The following CTNNA3 variants were observed in gnomAD, a reference collection of about 807,000 sequenced individuals.
CTNNA3 encodes the protein catenin alpha-3.
CTNNA3 carries 76 observed loss-of-function variants against 95.7 expected under a neutral mutation model. The observed-to-expected ratio is 0.79, with a 90% CI of 0.66 to 0.96. The LOEUF is 0.96. Ranked by LOEUF, CTNNA3 falls within the 40% of genes least tolerant of loss-of-function variation. The pLI, the probability that CTNNA3 is intolerant of heterozygous loss-of-function variation, is 0.00. For synonymous variants in CTNNA3, 431 were observed against 374.4 expected (o/e 1.15, Z -1.74); for missense variants, 1,191 against 1,089.8 (o/e 1.09, Z -1.31).
Position 66,313,606 on chromosome 10 carries a change from G to A in CTNNA3, c.1733-32985C>T, listed in dbSNP as rs561614349. On this transcript the variant is annotated intron_variant, in intron 12 of 17. Transcript: ENST00000433211. ...ACTCTGAGAGGCCTTCTCTGACCAC[G>A]TAGCTATAGTTCCTACTACTGTTTG... Among the ~76,000 whole-genome samples the A allele has an allele frequency of 6.6e-5, 10 of 152,208 alleles. No homozygotes were observed. In the South Asian group the frequency reaches 1.9e-3, roughly 28 times the overall value.
At chr10:67,272,311 G>A (rs925713216) in intron 5 of CTNNA3, among the ~76,000 whole-genome samples, 1 of 152,064 alleles carries the variant, frequency 6.6e-6, no homozygotes, top group Non-Finnish European at 1.5e-5. Context: ...TAGCACTTTG[G>A]GAGGCTGAGG....
intron 7 of CTNNA3, among the ~76,000 whole-genome samples, chr10:66,870,711 T>A (rs1185836387): frequency 3.3e-5 from 5 of 152,216 alleles, no homozygotes; most frequent in African/African-American, 1.2e-4. Flanking sequence ...CACACACTGA[T>A]GCCTAACTCC....
At chr10:66,327,718 A>G (rs2092272810) in intron 12 of CTNNA3, among the ~76,000 whole-genome samples, 2 of 151,984 alleles carry the variant, frequency 1.3e-5, no homozygotes, top group South Asian at 4.1e-4. Flanking sequence ...CATTGTGTAT[A>G]TTGATATTTA....
At chr10:66,425,912 C>G (rs1468833281) in intron 11 of CTNNA3, among the ~76,000 whole-genome samples, 1 of 151,972 alleles carries the variant, frequency 6.6e-6, no homozygotes, top group African/African-American at 2.4e-5. Context: ...TGCTCTTTTT[C>G]CAAGGATGAC....
Position 67,614,250 on chromosome 10 carries a change from A to G in CTNNA3, c.100-7201T>C, listed in dbSNP as rs116449843. On this transcript the variant is annotated intron_variant, in intron 2 of 17. Coordinates refer to ENST00000433211, the MANE Select transcript of CTNNA3 (RefSeq NM_013266.4). ...GTGCATTTTACAATCCCTTCGTAAG[A>G]CAAAAAAGTTCTCCAAGTCCCCTAC... 4.1e-3 allele frequency among the ~76,000 whole-genome samples: 632 copies of G among 152,308 alleles called. 7 individuals carry two copies. Among genetic ancestry groups the G allele is most frequent in the African/African-American group, 0.015 (607 of 41,560 alleles).
intron 5 of CTNNA3, among the ~76,000 whole-genome samples, chr10:67,296,227 T>G (rs558856587): frequency 6.6e-6 from 1 of 152,332 alleles, no homozygotes; most frequent in South Asian, 2.1e-4. Context: ...AGATGCTCAT[T>G]TAAGGCAAAC....
At chr10:66,578,431 T>C (rs1297357753) in intron 10 of CTNNA3, among the ~76,000 whole-genome samples, 1 of 151,986 alleles carries the variant, frequency 6.6e-6, no homozygotes, top group Non-Finnish European at 1.5e-5. Context: ...TTCACCTAAT[T>C]GCTATGATGT....
At chr10:66,431,788 C>G (rs1247213178) in intron 11 of CTNNA3, among the ~76,000 whole-genome samples, 5 of 150,778 alleles carry the variant, frequency 3.3e-5, no homozygotes, top group Non-Finnish European at 7.4e-5. Flanking sequence ...AGGAGATACA[C>G]CTAATGTTAA....
intron 12 of CTNNA3, among the ~76,000 whole-genome samples, chr10:66,322,564 T>G (rs1054324780): frequency 2.6e-5 from 4 of 152,042 alleles, no homozygotes; most frequent in Non-Finnish European, 2.9e-5. Flanking sequence ...TATACAGATT[T>G]CCTGGAATCT....
rs940076302 is a variant in CTNNA3 at position 66,646,708 on chromosome 10, C to G, written c.1282-24924G>C. Among the ~76,000 whole-genome samples the G allele has an allele frequency of 2.4e-4, 36 of 152,170 alleles. 1 individual carries two copies. ...ACAGAGCAGCAACCTGAGCTTCCAT[C>G]ATTCACTCACTGGGATTCCCATCAA... On this transcript the variant is annotated intron_variant, in intron 9 of 17. Transcript: ENST00000433211.
chr10:67,225,250 G>T (rs140946568), intron 5 of CTNNA3, among the ~76,000 whole-genome samples: 3 of 152,100 alleles, frequency 2.0e-5, no homozygotes, highest in Non-Finnish European at 4.4e-5. Flanking sequence ...GCTCAGACAC[G>T]CCTAGCTCTG....
intron 5 of CTNNA3, among the ~76,000 whole-genome samples, chr10:67,302,784 G>A (rs1840378245): frequency 6.6e-6 from 1 of 152,150 alleles, no homozygotes; most frequent in African/African-American, 2.4e-5. Flanking sequence ...TTTTGGTTCT[G>A]TTGACTAGGA....
chr10:66,644,184 G>A (rs1845611492), intron 9 of CTNNA3, among the ~76,000 whole-genome samples: 2 of 151,772 alleles, frequency 1.3e-5, no homozygotes, highest in African/African-American at 4.8e-5. Context: ...GGTTGAGCTT[G>A]GGAGGTTGAG....
intron 7 of CTNNA3, among the ~76,000 whole-genome samples, chr10:67,134,236 G>GAAT (rs1159043301): frequency 1.3e-5 from 2 of 152,036 alleles, no homozygotes; most frequent in East Asian, 3.9e-4. Flanking sequence ...GGGTGATTCA[G>GAAT]GTAGACACAG....
intron 5 of CTNNA3, among the ~76,000 whole-genome samples, chr10:67,281,250 C>T (rs118025119): frequency 0.014 from 2,110 of 152,252 alleles, 15 homozygotes; most frequent in Non-Finnish European, 0.023. Context: ...TTAGCATTTT[C>T]AAAGTTATTT....
At chr10:67,362,673 C>T (rs969117628) in intron 5 of CTNNA3, among the ~76,000 whole-genome samples, 1 of 151,952 alleles carries the variant, frequency 6.6e-6, no homozygotes, top group Non-Finnish European at 1.5e-5. Flanking sequence ...AAGCTGGAAG[C>T]ATTCCCCCTT....
In CTNNA3 at chr10:66,515,329, G is replaced by GTCTC. The variant is rs373915427; in HGVS notation, c.1531+5284_1531+5287dup. 1.2e-3 allele frequency among the ~76,000 whole-genome samples: 152 copies of GTCTC among 128,100 alleles called. 2 individuals are homozygous for GTCTC. Among genetic ancestry groups the GTCTC allele is most frequent in the African/African-American group, 3.6e-3 (122 of 34,022 alleles). The allele number at this position is 128,100 out of a possible 152,430, so 84.0% of individuals were successfully genotyped here. A position where few individuals can be genotyped will look rare whatever the true frequency, so the allele number is the denominator to read the frequency against. ...TATGGAAAATAGTCTCTCCCTCTCT[G>GTCTC]TCTCTCTCTCTCTCTCTATATATAT... On this transcript the variant is annotated intron_variant, in intron 11 of 17. Transcript: ENST00000433211.
rs951458825 is a variant in CTNNA3 at position 67,280,446 on chromosome 10, G to C, written c.580-60576C>G. Among the ~76,000 whole-genome samples, 6 of 138,724 alleles carry C rather than the reference G, an allele frequency of 4.3e-5. 1 individual carries two copies. Among genetic ancestry groups the C allele is most frequent in the Non-Finnish European group, 1.6e-5 (1 of 62,892 alleles). 91.0% of individuals were successfully genotyped at this position (138,724 alleles called of 152,430 possible). A position where few individuals can be genotyped will look rare whatever the true frequency, so the allele number is the denominator to read the frequency against. ...AATCCAGGTTCTTGTCTCACAACCA[G>C]GAAAAATTAGGCACACAGATCCATT... On this transcript the variant is annotated intron_variant, in intron 5 of 17. Coordinates refer to ENST00000433211, the MANE Select transcript of CTNNA3 (RefSeq NM_013266.4).
At chr10:67,048,432 A>C (rs1182362693) in intron 7 of CTNNA3, among the ~76,000 whole-genome samples, 1 of 152,128 alleles carries the variant, frequency 6.6e-6, no homozygotes, top group Non-Finnish European at 1.5e-5. Flanking sequence ...ACCTAACATA[A>C]AGAATGATGA....
Sources: gnomAD v4.1 joint callset for allele counts (sites outside exome capture counted in the v4.1 genomes callset) on GRCh38, gnomAD v4.1.1 for gene constraint, MANE v1.5 for transcripts, NCBI Gene and HGNC (gene_info 2026-07-23, HGNC 2026-07-21) for gene names.